Variants in TBL1XR1 observed in about 807,000 individuals in gnomAD.
TBL1XR1 encodes TBL1X/Y related 1.
TBL1XR1 carries 5 observed loss-of-function variants against 66.9 expected under a neutral mutation model. The ratio of observed to expected loss-of-function variants is 0.07; its 90% CI spans 0.04 to 0.16. The LOEUF (loss-of-function observed/expected upper bound fraction) is 0.16, where lower values mean the gene tolerates loss of function less well. Ranked by LOEUF, TBL1XR1 falls within the 10% of genes least tolerant of loss-of-function variation. TBL1XR1 has a pLI of 1.00. For missense variants in TBL1XR1, 238 were observed against 623.2 expected, an observed-to-expected ratio of 0.38 and a Z score of 6.58; for synonymous variants, 210 against 206.0, an observed-to-expected ratio of 1.02 and a Z score of -0.17.
chr3:177,112,107 A>ATATATATATATATTTTTTTTT, intron 1 of TBL1XR1, among the ~76,000 whole-genome samples: 2 of 37,652 alleles, frequency 5.3e-5, no homozygotes, highest in Non-Finnish European at 8.9e-5. Flanking sequence ...ATATATATAT[A>ATATATATATATATTTTTTTTT]TTTTTTTTTT....
intron 12 of TBL1XR1, among the ~76,000 whole-genome samples, chr3:177,036,182 C>A (rs1050842465): frequency 1.3e-5 from 2 of 152,322 alleles, no homozygotes; most frequent in Admixed American, 1.3e-4. Flanking sequence ...ATAACTATCT[C>A]TAATATTTTT....
intron 14 of TBL1XR1, among the ~76,000 whole-genome samples, chr3:177,030,967 C>A (rs752815470): frequency 6.6e-6 from 1 of 152,060 alleles, no homozygotes. Flanking sequence ...CCAAAACTAG[C>A]CGGGTGTGGT....
At chr3:177,166,759 T>C (rs947014973) in intron 1 of TBL1XR1, among the ~76,000 whole-genome samples, 4 of 152,182 alleles carry the variant, frequency 2.6e-5, no homozygotes, top group Admixed American at 2.0e-4. Context: ...ACTTACTACA[T>C]ACACCATTAG....
chr3:177,158,750 G>C (rs1731820818), intron 1 of TBL1XR1, among the ~76,000 whole-genome samples: 1 of 152,088 alleles, frequency 6.6e-6, no homozygotes, highest in Non-Finnish European at 1.5e-5. Context: ...GATTCTGTTT[G>C]AGCACCTCTA....
intron 3 of TBL1XR1, among the ~76,000 whole-genome samples, chr3:177,058,779 A>C (rs1481507409): frequency 6.6e-6 from 1 of 152,242 alleles, no homozygotes; most frequent in Non-Finnish European, 1.5e-5. Context: ...AGTCCTAAAA[A>C]ACATTGAACA....
At chr3:177,185,957 G>A (rs1735357377) in intron 1 of TBL1XR1, among the ~76,000 whole-genome samples, 1 of 152,136 alleles carries the variant, frequency 6.6e-6, no homozygotes, top group Non-Finnish European at 1.5e-5. Context: ...GGTAAAGTGA[G>A]CCATGTTCAC....
intron 1 of TBL1XR1, among the ~76,000 whole-genome samples, chr3:177,122,940 A>T (rs1202590543): frequency 6.6e-6 from 1 of 152,180 alleles, no homozygotes; most frequent in African/African-American, 2.4e-5. Flanking sequence ...TTCAAGTAAT[A>T]GAACTGTTAA....
chr3:177,153,135 AAAAAT>A lies in TBL1XR1; in HGVS notation c.-122+43981_-122+43985del, dbSNP rs572609109. Among the ~76,000 whole-genome samples the A allele has an allele frequency of 1.4e-3, 213 of 150,954 alleles. 1 individual carries two copies. The highest frequency in any genetic ancestry group is 4.7e-3 in the African/African-American group (193 of 41,440). On this transcript the variant is annotated intron_variant, in intron 1 of 15. Coordinates refer to ENST00000457928, the MANE Select transcript of TBL1XR1 (RefSeq NM_024665.7). ...GGGCAACAGAGTGAAATAGTGTCTC[AAAAAT>A]AAAATAAAATAAAATAAAGTGTTGA...
intron 12 of TBL1XR1, among the ~76,000 whole-genome samples, chr3:177,036,375 C>G (rs940543269): frequency 6.6e-6 from 1 of 152,234 alleles, no homozygotes; most frequent in Admixed American, 6.5e-5. Flanking sequence ...TTCCATCTGG[C>G]ATTCCCTCTT....
In TBL1XR1 at chr3:177,103,190, C is replaced by T. The variant is rs1474550544; in HGVS notation, c.-121-4649G>A. Among the ~76,000 whole-genome samples, 4 of 152,132 alleles carry T rather than the reference C, an allele frequency of 2.6e-5. No individual in the cohort carries two copies. In the East Asian group the frequency reaches 5.8e-4, roughly 22 times the overall value. ...TGCTTGAGAGAACCTGGTTATATAC[C>T]AGTAACTTTAACACCACTTCCAGAA... On this transcript the variant is annotated intron_variant, in intron 1 of 15. Coordinates refer to ENST00000457928, the MANE Select transcript of TBL1XR1 (RefSeq NM_024665.7).
In TBL1XR1 at chr3:177,029,160, G is replaced by A. The variant is rs185796701; in HGVS notation, c.1417-2686C>T. Among the ~76,000 whole-genome samples the A allele has an allele frequency of 5.8e-3, 877 of 151,846 alleles. 10 individuals are homozygous for A. Among genetic ancestry groups the A allele is most frequent in the South Asian group, 0.031 (148 of 4,804 alleles). On this transcript the variant is annotated intron_variant, in intron 14 of 15. Coordinates refer to ENST00000457928, the MANE Select transcript of TBL1XR1 (RefSeq NM_024665.7). ...TATCAAAAAGGAAAGATCTAGCCGG[G>A]CACAGTGGCATGTGCCTGTAGACCC...
At position 177,188,653 on chromosome 3, in the gene TBL1XR1, G is replaced by A. The variant is rs913163527; in HGVS notation, c.-122+8468C>T. Among the ~76,000 whole-genome samples the A allele has an allele frequency of 2.0e-5, 3 of 152,290 alleles. No individual in the cohort carries two copies. In the East Asian group the frequency reaches 5.8e-4, roughly 29 times the overall value. On this transcript the variant is annotated intron_variant, in intron 1 of 15. Coordinates refer to ENST00000457928, the MANE Select transcript of TBL1XR1 (RefSeq NM_024665.7). ...ACCTCCTGAAACCTTCAATAAAGGGGAAAATAGGTGGCAAACTTCACAGTT... is the reference window on the plus strand; with the variant it reads ...ACCTCCTGAAACCTTCAATAAAGGGAAAAATAGGTGGCAAACTTCACAGTT...
At chr3:177,089,768 A>T (rs565537071) in intron 2 of TBL1XR1, among the ~76,000 whole-genome samples, 1 of 152,228 alleles carries the variant, frequency 6.6e-6, no homozygotes, top group East Asian at 1.9e-4. Context: ...TGATCGACAC[A>T]GTTGGTAGAC....
intron 1 of TBL1XR1, among the ~76,000 whole-genome samples, chr3:177,114,795 G>C (rs1726100945): frequency 6.6e-6 from 1 of 151,668 alleles, no homozygotes; most frequent in Admixed American, 6.6e-5. Flanking sequence ...GGGCAACACA[G>C]CAAGACCCCA....
intron 1 of TBL1XR1, among the ~76,000 whole-genome samples, chr3:177,171,595 C>A (rs577558970): frequency 6.9e-6 from 1 of 144,292 alleles, no homozygotes; most frequent in African/African-American, 2.6e-5. Flanking sequence ...CCCAGCTACT[C>A]GGGAGGCTGA....
chr3:177,172,437 G>C (rs1287890971), intron 1 of TBL1XR1, among the ~76,000 whole-genome samples: 1 of 151,634 alleles, frequency 6.6e-6, no homozygotes, highest in Non-Finnish European at 1.5e-5. Flanking sequence ...AGGAATAAGG[G>C]AACTAGAAAA....
At chr3:177,104,129 A>AAGAG (rs1553844013) in intron 1 of TBL1XR1, among the ~76,000 whole-genome samples, 29,635 of 140,766 alleles carry the variant, frequency 0.21, 3,409 homozygotes, top group Admixed American at 0.3. Context: ...AAAAAAAAAA[A>AAGAG]AGAGAGAGAG....
chr3:177,124,420 T>C (rs565370880), intron 1 of TBL1XR1, among the ~76,000 whole-genome samples: 5 of 152,240 alleles, frequency 3.3e-5, no homozygotes, highest in African/African-American at 9.6e-5. Context: ...CCTCCAATAA[T>C]TGGCACTACT....
chr3:177,038,656 G>A (rs978149390), intron 10 of TBL1XR1, among the ~76,000 whole-genome samples: 9 of 152,160 alleles, frequency 5.9e-5, no homozygotes, highest in Admixed American at 4.6e-4. Flanking sequence ...CAGACCCTAA[G>A]AGAAAGTACA....
Sources: gnomAD v4.1 joint callset for allele counts (sites outside exome capture counted in the v4.1 genomes callset) on GRCh38, gnomAD v4.1.1 for gene constraint, MANE v1.5 for transcripts, NCBI Gene and HGNC (gene_info 2026-07-23, HGNC 2026-07-21) for gene names.